The following EDNRA variants were observed in gnomAD, a reference collection of about 807,000 sequenced individuals.
EDNRA encodes endothelin receptor type A.
In EDNRA, 11 loss-of-function variants were observed where a neutral mutation model predicts 41.4. That is an observed-to-expected ratio of 0.27 (90% CI 0.17 to 0.44). The LOEUF (loss-of-function observed/expected upper bound fraction) is 0.44. EDNRA is among the 20% of genes least tolerant of loss of function. EDNRA has a pLI of 1.00. For synonymous variants in EDNRA, 172 were observed against 183.0 expected (o/e 0.94, Z 0.49); for missense variants, 294 against 531.0 (o/e 0.55, Z 4.39).
intron 2 of EDNRA, among the ~76,000 whole-genome samples, chr4:147,512,718 C>T (rs1729969805): frequency 6.6e-6 from 1 of 152,190 alleles, no homozygotes; most frequent in South Asian, 2.1e-4. Flanking sequence ...GACAAAGTCA[C>T]CCGAGCCTGT....
chr4:147,526,887 G>A (rs1035450951), intron 3 of EDNRA, among the ~76,000 whole-genome samples: 1 of 152,174 alleles, frequency 6.6e-6, no homozygotes, highest in Non-Finnish European at 1.5e-5. Flanking sequence ...ACAGGTTCTG[G>A]AGGCTACAGC....
intron 2 of EDNRA, among the ~76,000 whole-genome samples, chr4:147,487,226 GAT>G (rs1728979452): frequency 6.6e-6 from 1 of 152,174 alleles, no homozygotes; most frequent in South Asian, 2.1e-4. Context: ...CAACATTGGG[GAT>G]TACATTTCAA....
In EDNRA at chr4:147,529,716, A is replaced by C. The variant is rs149586716; in HGVS notation, c.549-2790A>C. ...TGTATATACATACTGACTAGATGGA[A>C]GGCTATTTATAATCGCACCTCATGA... On this transcript the variant is annotated intron_variant, in intron 3 of 7. Transcript: ENST00000651419. Among the ~76,000 whole-genome samples, 391 of 152,328 alleles carry C rather than the reference A, an allele frequency of 2.6e-3. 1 individual carries two copies. The highest frequency in any genetic ancestry group is 8.8e-3 in the African/African-American group (364 of 41,572).
rs960715295 is a variant in EDNRA at position 147,486,365 on chromosome 4, A to C, written c.420+264A>C. ...ATGGTGTTTCATGACTTGGATTCTC[A>C]TGCCACCCCTGGGCTTGCTGGTTGG... On this transcript the variant is annotated intron_variant, in intron 2 of 7. Transcript: ENST00000651419. The surrounding 1 kb of genome is among the most constrained non-coding windows in gnomAD (Gnocchi z 4.3). Among the ~76,000 whole-genome samples the C allele has an allele frequency of 1.4e-4, 21 of 152,300 alleles. No homozygotes were observed. Among genetic ancestry groups the C allele is most frequent in the African/African-American group, 5.1e-4 (21 of 41,572 alleles).
chr4:147,511,546 G>A (rs1729924827), intron 2 of EDNRA, among the ~76,000 whole-genome samples: 1 of 152,106 alleles, frequency 6.6e-6, no homozygotes, highest in East Asian at 1.9e-4. Flanking sequence ...AAGAACTTAA[G>A]TTTCTTCAGA....
chr4:147,532,129 G>A (rs528780497), intron 3 of EDNRA, among the ~76,000 whole-genome samples: 53 of 144,514 alleles, frequency 3.7e-4, no homozygotes, highest in African/African-American at 1.2e-3. Flanking sequence ...TGGCTAGCAC[G>A]GTGAAACCCC....
intron 2 of EDNRA, among the ~76,000 whole-genome samples, chr4:147,499,489 T>C (rs1344767501): frequency 1.3e-5 from 2 of 152,212 alleles, no homozygotes; most frequent in Non-Finnish European, 2.9e-5. Flanking sequence ...CCAAGATCTA[T>C]TGTCTCTTCG....
At chr4:147,521,935 A>G (rs1730334425) in intron 3 of EDNRA, among the ~76,000 whole-genome samples, 1 of 152,206 alleles carries the variant, frequency 6.6e-6, no homozygotes, top group Non-Finnish European at 1.5e-5. Context: ...GCAGTGGCCT[A>G]TATGGTCATT....
Position 147,540,493 on chromosome 4 carries a change from G to T in EDNRA, c.1143+8G>T. 2 of 1,582,802 alleles carry T rather than the reference G, an allele frequency of 1.3e-6. No individual in the cohort carries two copies. Among genetic ancestry groups the T allele is most frequent in the African/African-American group, 1.4e-5 (1 of 74,038 alleles). ...TTTAAAAATTGTTTCCAGGTAAGAT[G>T]ATTTTTCAAGTATTTTTTAAAGACA... On this transcript the variant is annotated splice_region_variant and intron_variant, in intron 7 of 7. Transcript: ENST00000651419.
At chr4:147,535,412 G>A (rs528998847) in intron 4 of EDNRA, among the ~76,000 whole-genome samples, 2 of 152,294 alleles carry the variant, frequency 1.3e-5, no homozygotes, top group African/African-American at 4.8e-5. Flanking sequence ...TAAGCCATTC[G>A]TAACCTTCAC....
chr4:147,512,065 T>C (rs1001579074), intron 2 of EDNRA, among the ~76,000 whole-genome samples: 2 of 152,196 alleles, frequency 1.3e-5, no homozygotes, highest in African/African-American at 4.8e-5. Flanking sequence ...GCACAAACCT[T>C]GCAATTTCAA....
chr4:147,509,679 C>G (rs546570791), intron 2 of EDNRA, among the ~76,000 whole-genome samples: 28 of 151,986 alleles, frequency 1.8e-4, no homozygotes, highest in Non-Finnish European at 3.5e-4. Context: ...GAGTATGAAC[C>G]CTTTTGTGAA....
chr4:147,524,570 A>T (rs1257486883), intron 3 of EDNRA, among the ~76,000 whole-genome samples: 3 of 152,214 alleles, frequency 2.0e-5, no homozygotes, highest in Non-Finnish European at 4.4e-5. Context: ...TGATGCCAAG[A>T]ATCTATCTCA....
In EDNRA at chr4:147,485,774, C is replaced by A; in HGVS notation, c.93C>A (p.Ser31Arg). 6.2e-7 allele frequency: 1 copy of A among 1,614,222 alleles called. No homozygotes were observed. Among genetic ancestry groups the A allele is most frequent in the Non-Finnish European group, 8.5e-7 (1 of 1,180,038 alleles). Reference protein sequence around the residue: ...DNPERYSTNLSNHVDDFTTFR... With the variant: ...DNPERYSTNLRNHVDDFTTFR... ...CTGAGAGATACAGCACAAATCTAAGCAATCATGTGGATGATTTCACCACTT... is the reference window on the plus strand; with the variant it reads ...CTGAGAGATACAGCACAAATCTAAGAAATCATGTGGATGATTTCACCACTT... Residue 31 changes from serine (S) to arginine (R), a missense_variant, in exon 2 of 8, where the codon AGC (serine) becomes AGA (arginine). By Grantham distance (110) the Ser-to-Arg change is moderately radical (BLOSUM62 -1). Around this residue, in one of 3 missense-constraint regions of EDNRA, gnomAD observed 90 missense variants for 122.8 expected, o/e 0.73. Transcript: ENST00000651419.
intron 6 of EDNRA, 64 bp from the exon 7 acceptor site, chr4:147,540,313 T>G: frequency 2.4e-6 from 3 of 1,272,750 alleles, no homozygotes; most frequent in Non-Finnish European, 3.3e-6. Flanking sequence ...TAGGAAGAAA[T>G]GCTAGTGAGC....
intron 3 of EDNRA, among the ~76,000 whole-genome samples, chr4:147,531,467 T>TC (rs1236328785): frequency 2.0e-5 from 3 of 152,372 alleles, no homozygotes; most frequent in Non-Finnish European, 4.4e-5. Context: ...TAGACCCACT[T>TC]CATAGATAAT....
In EDNRA at chr4:147,542,661, G is replaced by T; in HGVS notation, c.*43G>T. ...CCTCGGTACTCCCATAATCCTCTCG[G>T]AGAAAAAAATCACAAGGCAACTGTG... On this transcript the variant is annotated 3_prime_UTR_variant, in exon 8 of 8. Coordinates refer to ENST00000651419, the MANE Select transcript of EDNRA (RefSeq NM_001957.4). 6.3e-7 allele frequency: 1 copy of T among 1,588,698 alleles called. No individual in the cohort carries two copies. The highest frequency in any genetic ancestry group is 8.6e-7 in the Non-Finnish European group (1 of 1,166,238).
chr4:147,530,778 GAT>G (rs1730714366), intron 3 of EDNRA, among the ~76,000 whole-genome samples: 1 of 152,086 alleles, frequency 6.6e-6, no homozygotes, highest in Non-Finnish European at 1.5e-5. Context: ...TGTCTTGGTG[GAT>G]ATGGGTAGCT....
intron 3 of EDNRA, among the ~76,000 whole-genome samples, chr4:147,528,247 C>G (rs944315399): frequency 2.6e-5 from 4 of 152,068 alleles, no homozygotes; most frequent in African/African-American, 4.8e-5. Flanking sequence ...ACACTTCATT[C>G]AACAGGTATT....
Sources: gnomAD v4.1 joint callset for allele counts (sites outside exome capture counted in the v4.1 genomes callset) on GRCh38, gnomAD v4.1.1 for gene constraint, gnomAD v4.1.1 regional missense constraint, Gnocchi (gnomAD v3.1) non-coding constraint, MANE v1.5 for transcripts, NCBI Gene and HGNC (gene_info 2026-07-23, HGNC 2026-07-21) for gene names.